The following DHRS7 variants were observed in gnomAD, a reference collection of about 807,000 sequenced individuals.
The protein encoded by DHRS7 is dehydrogenase/reductase 7.
Under a neutral mutation model 38.9 loss-of-function variants are expected in DHRS7, and 34 were observed. The ratio of observed to expected loss-of-function variants is 0.87; its 90% CI spans 0.66 to 1.16. The LOEUF (loss-of-function observed/expected upper bound fraction) is 1.16. DHRS7 is among the 50% of genes most tolerant of loss of function. The pLI, the probability that DHRS7 is intolerant of heterozygous loss-of-function variation, is 0.00. For missense variants in DHRS7, 421 were observed against 407.0 expected (o/e 1.03, Z -0.30); for synonymous variants, 158 against 153.1 (o/e 1.03, Z -0.24).
intron 4 of DHRS7, among the ~76,000 whole-genome samples, chr14:60,150,879 T>C (rs1436390317): frequency 6.6e-6 from 1 of 152,182 alleles, no homozygotes; most frequent in Non-Finnish European, 1.5e-5. Context: ...TCAATGATTT[T>C]TATGGTAGGC....
At chr14:60,150,950 G>A (rs918679208) in intron 4 of DHRS7, among the ~76,000 whole-genome samples, 1 of 151,970 alleles carries the variant, frequency 6.6e-6, no homozygotes, top group Non-Finnish European at 1.5e-5. Flanking sequence ...CTTCATACCA[G>A]TCCTCCTCTC....
upstream of DHRS7, chr14:60,166,182 T>G (rs185511600): frequency 1.7e-4 from 164 of 965,842 alleles, no homozygotes; most frequent in African/African-American, 2.5e-3. Context: ...AACATTTAAT[T>G]GCTTCCCACT....
At position 60,149,499 on chromosome 14, in the gene DHRS7, T is replaced by C. The variant is rs2140590628; in HGVS notation, c.826A>G (p.Ser276Gly). The change falls in exon 6 of 7, where the codon AGC (serine) becomes GGC (glycine). Residue 276 changes from serine to glycine, a missense_variant. Ser to Gly is a moderately conservative substitution (Grantham distance 56). Transcript: ENST00000557185. ...TSRCVRLMLI[S>G]MANDLKEVWI... ...ACTTCTTTCAAATCATTGGCCATGCTGATTAACATCAGCCGCACACAACGA... is the reference window on the plus strand; with the variant it reads ...ACTTCTTTCAAATCATTGGCCATGCCGATTAACATCAGCCGCACACAACGA... The C allele has an allele frequency of 6.2e-7, 1 of 1,614,210 alleles. No individual in the cohort carries two copies. Among genetic ancestry groups the C allele is most frequent in the Non-Finnish European group, 8.5e-7 (1 of 1,180,024 alleles).
intron 4 of DHRS7, among the ~76,000 whole-genome samples, chr14:60,151,702 A>G (rs961985472): frequency 1.3e-5 from 2 of 152,238 alleles, no homozygotes; most frequent in Admixed American, 1.3e-4. Flanking sequence ...AAACTTTTCA[A>G]TGATAAACAA....
At position 60,149,550 on chromosome 14, in the gene DHRS7, C is replaced by G. The variant is rs1896491699; in HGVS notation, c.775G>C (p.Asp259His). Reference protein sequence around the residue: ...EVTKTIGNNGDQSHKMTTSRC... With the variant: ...EVTKTIGNNGHQSHKMTTSRC... ...CTGGTTGTCATCTTGTGGGACTGGT[C>G]TCCATTATTGCCTATAGTCTAAGAA... Residue 259 changes from aspartate (D) to histidine (H), a missense_variant, in exon 6 of 7, where the codon GAC (aspartate) becomes CAC (histidine). Asp to His is a moderately conservative substitution (Grantham distance 81, BLOSUM62 -1). Transcript: ENST00000557185. 4.3e-6 allele frequency: 7 copies of G among 1,612,256 alleles called. No individual in the cohort carries two copies. The highest frequency in any genetic ancestry group is 5.9e-6 in the Non-Finnish European group (7 of 1,178,894).
chr14:60,156,456 C>T (rs540222819), intron 1 of DHRS7, among the ~76,000 whole-genome samples: 3 of 152,292 alleles, frequency 2.0e-5, no homozygotes, highest in South Asian at 2.1e-4. Context: ...CACTCTAAGG[C>T]TCTATTTAAC....
chr14:60,165,535 CG>C (rs1896856290), upstream of DHRS7: 2 of 1,270,648 alleles, frequency 1.6e-6, no homozygotes, highest in Admixed American at 8.6e-5. This position sits in a 1 kb window ranked among gnomAD's most constrained non-coding sequence, Gnocchi z 4.6. Flanking sequence ...GCGGCACACC[CG>C]GCGGGGCCGG....
upstream of DHRS7, among the ~76,000 whole-genome samples, chr14:60,169,406 G>A (rs570765052): frequency 3.9e-4 from 60 of 152,350 alleles, no homozygotes; most frequent in Middle Eastern, 0.01. Context: ...CAGAAATGAT[G>A]AGTGTGTGAC....
rs747850167 is a variant in DHRS7 at position 60,154,021 on chromosome 14, C to A, written c.331G>T (p.Asp111Tyr). The A allele has an allele frequency of 5.6e-6, 9 of 1,613,946 alleles. No homozygotes were observed. Among genetic ancestry groups the A allele is most frequent in the Non-Finnish European group, 7.6e-6 (9 of 1,179,962 alleles). ...TCATGGGAACCAGTGTCGGTCAGGT[C>A]AAGGGGCAAAACAAGTATATCTTTT... Reference protein sequence around the residue: ...KEKDILVLPLDLTDTGSHEAA... With the variant: ...KEKDILVLPLYLTDTGSHEAA... Residue 111 changes from aspartate (D) to tyrosine (Y), a missense_variant, in exon 3 of 7, where the codon GAC becomes TAC. By Grantham distance (160) the Asp-to-Tyr change is radical (BLOSUM62 -3). Coordinates refer to ENST00000557185, the MANE Select transcript of DHRS7 (RefSeq NM_016029.4).
At position 60,160,343 on chromosome 14, in the gene DHRS7, CT is replaced by C. The variant is rs752997109; in HGVS notation, c.134-4192del. ...AAAACAAAAAACAAAAAAAAAACTT[CT>C]TTTTTTTTTTTTTTTTTACAAAATT... On this transcript the variant is annotated intron_variant, in intron 1 of 6. Coordinates refer to ENST00000557185, the MANE Select transcript of DHRS7 (RefSeq NM_016029.4). Among the ~76,000 whole-genome samples the C allele has an allele frequency of 6.9e-3, 810 of 116,718 alleles. 1 individual carries two copies. Among genetic ancestry groups the C allele is most frequent in the Middle Eastern group, 0.024 (6 of 246 alleles). The allele number at this position is 116,718 out of a possible 152,430, so 76.6% of individuals were successfully genotyped here.
chr14:60,156,668 T>C (rs1896666802), intron 1 of DHRS7, among the ~76,000 whole-genome samples: 1 of 152,240 alleles, frequency 6.6e-6, no homozygotes, highest in South Asian at 2.1e-4. Flanking sequence ...CCAAGTTCTG[T>C]GCTGTTGATG....
upstream of DHRS7, chr14:60,166,403 C>G (rs1291842134): frequency 3.5e-6 from 1 of 284,296 alleles, no homozygotes; most frequent in African/African-American, 2.3e-5. Flanking sequence ...TCCTAGAGTA[C>G]TTTGTGTGCT....
upstream of DHRS7, among the ~76,000 whole-genome samples, chr14:60,168,179 A>G (rs1896890181): frequency 6.6e-6 from 1 of 152,190 alleles, no homozygotes; most frequent in Non-Finnish European, 1.5e-5. Flanking sequence ...GGAATATCTC[A>G]CTGCACTGTT....
Position 60,155,857 on chromosome 14 carries a change from A to G in DHRS7, c.286+143T>C, listed in dbSNP as rs1271570907. The stretch of plus-strand genomic sequence containing the variant: ...AAGGCGAGGGCAGCCAATTAAGGCA[A>G]AAAGGAGAGGAACTGAGATGAAGCA... On this transcript the variant is annotated intron_variant, in intron 2 of 6. Transcript: ENST00000557185. 3 of 859,496 alleles carry G rather than the reference A, an allele frequency of 3.5e-6. No homozygotes were observed. In the South Asian group the frequency reaches 1.5e-4, roughly 42 times the overall value. The allele number at this position is 859,496 out of a possible 1,614,324, so 53.2% of individuals were successfully genotyped here. A position where few individuals can be genotyped will look rare whatever the true frequency, so the allele number is the denominator to read the frequency against.
chr14:60,151,904 C>T (rs145282638), intron 4 of DHRS7, among the ~76,000 whole-genome samples: 103 of 152,290 alleles, frequency 6.8e-4, no homozygotes, highest in Non-Finnish European at 1.3e-3. Context: ...TTATGAGACA[C>T]GTGGTGCCAA....
chr14:60,153,482 G>T lies in DHRS7; in HGVS notation c.394-304C>A, dbSNP rs546009757. ...GAGGCTGAGGAGGGTGGACCATGAGGTCAGGAGTTCAAGACCAGCCTGACC... is the reference window on the plus strand; with the variant it reads ...GAGGCTGAGGAGGGTGGACCATGAGTTCAGGAGTTCAAGACCAGCCTGACC... On this transcript the variant is annotated intron_variant, in intron 3 of 6. Transcript: ENST00000557185. The surrounding 1 kb of genome is among the most constrained non-coding windows in gnomAD (Gnocchi z 4.4). Among the ~76,000 whole-genome samples, 56 of 152,206 alleles carry T rather than the reference G, an allele frequency of 3.7e-4. No homozygotes were observed. Among genetic ancestry groups the T allele is most frequent in the Middle Eastern group, 3.4e-3 (1 of 294 alleles).
chr14:60,167,098 T>C (rs937333082), upstream of DHRS7, among the ~76,000 whole-genome samples: 5 of 152,204 alleles, frequency 3.3e-5, no homozygotes, highest in African/African-American at 1.2e-4. Flanking sequence ...TAGTTGTATG[T>C]TTTAAAACAA....
At chr14:60,154,716 A>G (rs776814101) in intron 2 of DHRS7, among the ~76,000 whole-genome samples, 2 of 152,260 alleles carry the variant, frequency 1.3e-5, no homozygotes, top group African/African-American at 2.4e-5. Context: ...AAAAGACTTC[A>G]TGGGCAAAAG....
At position 60,145,609 on chromosome 14, in the gene DHRS7, G is replaced by A. The variant is rs1227790759; in HGVS notation, c.973-596C>T. The A allele has an allele frequency of 6.6e-6, 1 of 152,124 alleles. No homozygotes were observed. 9.4% of individuals were successfully genotyped at this position (152,124 alleles called of 1,614,324 possible). A position where few individuals can be genotyped will look rare whatever the true frequency, so the allele number is the denominator to read the frequency against. On this transcript the variant is annotated intron_variant, in intron 6 of 6. Transcript: ENST00000557185. This position sits in a 1 kb window ranked among gnomAD's most constrained non-coding sequence, Gnocchi z 4.0. The stretch of plus-strand genomic sequence containing the variant: ...GAATTGCTTGAATCCAGGAGGCGGA[G>A]GTTGCAGTGAGCTGAGACTGCGCCA...
Sources: allele counts gnomAD v4.1 joint callset (sites outside exome capture counted in the v4.1 genomes callset), GRCh38; gene constraint gnomAD v4.1.1; non-coding constraint Gnocchi (gnomAD v3.1); transcripts MANE v1.5; gene names NCBI Gene and HGNC (gene_info 2026-07-23, HGNC 2026-07-21).